YAP1: variants seen among roughly 807,000 people sequenced by gnomAD.
The protein encoded by YAP1 is Yes1 associated transcriptional regulator.
A neutral mutation model predicts 56.9 loss-of-function variants in YAP1; 5 were observed. That is an observed-to-expected ratio of 0.09 (90% CI 0.05 to 0.18). The LOEUF is 0.18. Among genes scored for constraint, YAP1 ranks in the 10% least tolerant of loss-of-function variants. The pLI is 1.00. For synonymous variants in YAP1, 265 were observed against 248.1 expected, an observed-to-expected ratio of 1.07 and a Z score of -0.64; for missense variants, 539 against 651.8, an observed-to-expected ratio of 0.83 and a Z score of 1.88.
chr11:102,158,657 A>G (rs1018209394), intron 2 of YAP1, among the ~76,000 whole-genome samples: 6 of 152,204 alleles, frequency 3.9e-5, no homozygotes, highest in Non-Finnish European at 5.9e-5. Context: ...TATCAATGTT[A>G]ATCTCTTTCT....
At chr11:102,121,884 A>G (rs1222279412) in intron 2 of YAP1, among the ~76,000 whole-genome samples, 2 of 152,136 alleles carry the variant, frequency 1.3e-5, no homozygotes, top group Non-Finnish European at 2.9e-5. Flanking sequence ...AGCAGCTTCT[A>G]CATCCCAGGC....
chr11:102,206,573 C>T (rs1047354387), intron 5 of YAP1, among the ~76,000 whole-genome samples: 2 of 152,128 alleles, frequency 1.3e-5, no homozygotes, highest in East Asian at 1.9e-4. Flanking sequence ...TGGCCAGGTG[C>T]GGTGGCTCAT....
intron 2 of YAP1, among the ~76,000 whole-genome samples, chr11:102,125,988 G>T (rs142517415): frequency 3.9e-5 from 6 of 152,162 alleles, no homozygotes; most frequent in Admixed American, 6.5e-5. Context: ...GGTGATGGGA[G>T]TTAGGACTGA....
chr11:102,188,501 TAAC>T (rs1363642314), intron 4 of YAP1, among the ~76,000 whole-genome samples: 5 of 152,346 alleles, frequency 3.3e-5, no homozygotes, highest in Admixed American at 6.5e-5. Context: ...TGCTGCATAA[TAAC>T]GTTTCAGTCA....
At chr11:102,158,486 T>G (rs1019148307) in intron 2 of YAP1, among the ~76,000 whole-genome samples, 1 of 152,214 alleles carries the variant, frequency 6.6e-6, no homozygotes, top group South Asian at 2.1e-4. Flanking sequence ...CTATAGATTC[T>G]TCATCAGTGG....
At chr11:102,126,318 G>T (rs1287490821) in intron 2 of YAP1, among the ~76,000 whole-genome samples, 1 of 152,130 alleles carries the variant, frequency 6.6e-6, no homozygotes, top group African/African-American at 2.4e-5. Context: ...ATATGGTTTG[G>T]CTGTGTTCCC....
chr11:102,206,936 T>C (rs1164524459), intron 5 of YAP1, among the ~76,000 whole-genome samples: 1 of 133,686 alleles, frequency 7.5e-6, no homozygotes, highest in African/African-American at 2.9e-5. Flanking sequence ...AAGTAGGACA[T>C]AGTAGAGAGC....
chr11:102,162,553 A>C lies in YAP1; in HGVS notation c.670A>C (p.Met224Leu), dbSNP rs745407877. The change falls in exon 3 of 9, where the codon ATG (methionine) becomes CTG (leucine). Residue 224 changes from methionine (M) to leucine (L), a missense_variant. Transcript: ENST00000282441. ...CACCAGTCCACCAGTGCAGCAGAAT[A>C]TGATGAACTCGGCTTCAGGTGAGTG... ...APTSPPVQQNMMNSASGPLPD... is the reference protein window; with the variant it reads ...APTSPPVQQNLMNSASGPLPD... 1.2e-6 allele frequency: 2 copies of C among 1,614,194 alleles called. No individual in the cohort carries two copies. The highest frequency in any genetic ancestry group is 4.5e-5 in the East Asian group (2 of 44,884).
chr11:102,210,687 C>T (rs923101761), intron 6 of YAP1, among the ~76,000 whole-genome samples: 12 of 152,088 alleles, frequency 7.9e-5, no homozygotes, highest in African/African-American at 2.7e-4. Context: ...GTCTTTATAA[C>T]GTGAAGCCAT....
At position 102,231,182 on chromosome 11, in the gene YAP1, T is replaced by TAGAA. The variant is rs1271800749; in HGVS notation, c.*1242_*1243insAGAA. 6.6e-6 allele frequency: 1 copy of TAGAA among 152,250 alleles called. No homozygotes were observed. The highest frequency in any genetic ancestry group is 2.4e-5 in the African/African-American group (1 of 41,464). 9.4% of individuals were successfully genotyped at this position (152,250 alleles called of 1,614,324 possible). On this transcript the variant is annotated 3_prime_UTR_variant, in exon 9 of 9. Transcript: ENST00000282441. Reference sequence around the variant, plus strand: ...GCAAACCAGAAATGGCTTTATTTTCTCCCTTGGACTAATTTTTAAGTCTCG... The same window carrying TAGAA: ...GCAAACCAGAAATGGCTTTATTTTCTAGAACCCTTGGACTAATTTTTAAGTCTCG...
At chr11:102,123,026 T>C (rs1322432801) in intron 2 of YAP1, among the ~76,000 whole-genome samples, 2 of 152,116 alleles carry the variant, frequency 1.3e-5, no homozygotes, top group Non-Finnish European at 2.9e-5. Context: ...CTGGTACTTT[T>C]AAAAATTCCA....
At chr11:102,217,443 A>T (rs1480712726) in intron 6 of YAP1, among the ~76,000 whole-genome samples, 1 of 152,248 alleles carries the variant, frequency 6.6e-6, no homozygotes, top group Non-Finnish European at 1.5e-5. Flanking sequence ...GCCTATCAAC[A>T]GATGAATAAA....
chr11:102,224,203 TA>T (rs1161500947), intron 7 of YAP1, among the ~76,000 whole-genome samples: 4 of 152,324 alleles, frequency 2.6e-5, no homozygotes, highest in African/African-American at 9.6e-5. Flanking sequence ...TTAAGGGCTA[TA>T]GTCCAAGGAG....
At chr11:102,199,585 G>A (rs559282803) in intron 4 of YAP1, among the ~76,000 whole-genome samples, 184 of 152,272 alleles carry the variant, frequency 1.2e-3, no homozygotes, top group African/African-American at 4.1e-3. Context: ...AGCTGGAGCA[G>A]TATGTCATGT....
chr11:102,180,702 AGAAG>A (rs1304621671), intron 3 of YAP1, among the ~76,000 whole-genome samples: 1 of 149,038 alleles, frequency 6.7e-6, no homozygotes, highest in Non-Finnish European at 1.5e-5. Flanking sequence ...AAAAAAAAAA[AGAAG>A]ATCAAAACAA....
At chr11:102,215,720 C>T (rs1378031749) in intron 6 of YAP1, among the ~76,000 whole-genome samples, 1 of 152,186 alleles carries the variant, frequency 6.6e-6, no homozygotes, top group Non-Finnish European at 1.5e-5. Flanking sequence ...CTCAGGTGAT[C>T]CACCTGCCTT....
At chr11:102,155,642 C>T (rs1286214630) in intron 2 of YAP1, among the ~76,000 whole-genome samples, 2 of 152,294 alleles carry the variant, frequency 1.3e-5, no homozygotes, top group African/African-American at 4.8e-5. Flanking sequence ...TGCTAAGAAG[C>T]GTTTAGTGTG....
At chr11:102,169,228 A>T (rs964170970) in intron 3 of YAP1, among the ~76,000 whole-genome samples, 1 of 152,230 alleles carries the variant, frequency 6.6e-6, no homozygotes, top group African/African-American at 2.4e-5. Context: ...ATGTATTATT[A>T]ATAGTGTACA....
intron 2 of YAP1, among the ~76,000 whole-genome samples, chr11:102,125,604 C>T (rs1943988708): frequency 6.6e-6 from 1 of 151,822 alleles, no homozygotes; most frequent in Admixed American, 6.6e-5. Flanking sequence ...GTCTTGAACT[C>T]CTAACCTCAA....
Sources: gnomAD v4.1 joint callset for allele counts (sites outside exome capture counted in the v4.1 genomes callset) on GRCh38, gnomAD v4.1.1 for gene constraint, MANE v1.5 for transcripts, NCBI Gene and HGNC (gene_info 2026-07-23, HGNC 2026-07-21) for gene names.